Variants in ELK4 observed in about 807,000 individuals in gnomAD.
The protein encoded by ELK4 is ETS domain-containing protein Elk-4.
ELK4 carries 16 observed loss-of-function variants against 29.6 expected under a neutral mutation model. That is an observed-to-expected ratio of 0.54 (90% CI 0.37 to 0.82). The LOEUF is 0.82. ELK4 is among the 40% of genes least tolerant of loss of function. The probability of loss-of-function intolerance (pLI) is 0.00; values close to 1 mark genes in which losing one functional copy is unlikely to be tolerated. For missense variants in ELK4, 465 were observed against 507.1 expected, an observed-to-expected ratio of 0.92 and a Z score of 0.80; for synonymous variants, 213 against 191.1, an observed-to-expected ratio of 1.11 and a Z score of -0.95.
intron 3 of ELK4, chr1:205,619,311 A>G: frequency 9.5e-7 from 1 of 1,047,878 alleles, no homozygotes; most frequent in East Asian, 5.0e-5. Flanking sequence ...TTGGGGGTAC[A>G]AGTGGTTTTT....
chr1:205,623,905 G>A lies in ELK4; in HGVS notation c.-9-14C>T. The A allele has an allele frequency of 6.2e-7, 1 of 1,610,314 alleles. No individual in the cohort carries two copies. On this transcript the variant is annotated splice_polypyrimidine_tract_variant and intron_variant, in intron 1 of 4. Coordinates refer to ENST00000357992, the MANE Select transcript of ELK4 (RefSeq NM_001973.4). ...CATAGCAATGAGCTGAAAGAATATA[G>A]ATAAGATATGTGATAATATTAACAG...
chr1:205,620,847 T>TGAAAAAA lies in ELK4; in HGVS notation c.208-10_208-9insTTTTTTC. On this transcript the variant is annotated splice_polypyrimidine_tract_variant and intron_variant, in intron 2 of 4. Transcript: ENST00000357992. ...ACTTTTTTGATGATATTCTGTAGGT[T>TGAAAAAA]AAAAAAAAAAGCATTTTTATCCTTT... 1 of 1,374,032 alleles carries TGAAAAAA rather than the reference T, an allele frequency of 7.3e-7. No individual in the cohort carries two copies. Among genetic ancestry groups the TGAAAAAA allele is most frequent in the Admixed American group, 2.2e-5 (1 of 45,924 alleles). The allele number at this position is 1,374,032 out of a possible 1,614,324, so 85.1% of individuals were successfully genotyped here. A position where few individuals can be genotyped will look rare whatever the true frequency, so the allele number is the denominator to read the frequency against.
chr1:205,623,312 CT>C (rs1224816064), intron 2 of ELK4, among the ~76,000 whole-genome samples: 11,699 of 137,158 alleles, frequency 0.085, 496 homozygotes, highest in East Asian at 0.22. Context: ...AACAAGGAAT[CT>C]TTTTTTTTTT....
chr1:205,630,616 C>T (rs941042288), intron 1 of ELK4, among the ~76,000 whole-genome samples: 1 of 152,214 alleles, frequency 6.6e-6, no homozygotes, highest in Non-Finnish European at 1.5e-5. Context: ...CTAAAAAATA[C>T]TCTTTGTATA....
In ELK4 at chr1:205,618,948, T is replaced by C. The variant is rs1228585872; in HGVS notation, c.1197+9A>G. On this transcript the variant is annotated intron_variant, in intron 4 of 4. Transcript: ENST00000357992. The stretch of plus-strand genomic sequence containing the variant: ...TCCAACTACAGAAGACAGATATTTA[T>C]AAAATTACCTGGAAAAGTGTGTTAG... 4 of 1,593,840 alleles carry C rather than the reference T, an allele frequency of 2.5e-6. No homozygotes were observed. Among genetic ancestry groups the C allele is most frequent in the Non-Finnish European group, 2.6e-6 (3 of 1,166,766 alleles).
At chr1:205,629,132 CT>C (rs1413265899) in intron 1 of ELK4, among the ~76,000 whole-genome samples, 2 of 138,384 alleles carry the variant, frequency 1.4e-5, no homozygotes, top group African/African-American at 5.5e-5. Flanking sequence ...GATCGTGCCA[CT>C]GCACTCCAGC....
Position 205,631,818 on chromosome 1 carries a change from C to T in ELK4, c.-196G>A, listed in dbSNP as rs1316044762. The stretch of plus-strand genomic sequence containing the variant: ...CGGGTGCCCGCAGCCGCCCGCATCT[C>T]CCGCCGCCGCGGCTCCTGGCGCCCC... On this transcript the variant is annotated 5_prime_UTR_variant, in exon 1 of 5. Coordinates refer to ENST00000357992, the MANE Select transcript of ELK4 (RefSeq NM_001973.4). 5 of 151,856 alleles carry T rather than the reference C, an allele frequency of 3.3e-5. No individual in the cohort carries two copies. In the East Asian group the frequency reaches 7.5e-4, roughly 23 times the overall value. 9.4% of individuals were successfully genotyped at this position (151,856 alleles called of 1,614,324 possible). A position where few individuals can be genotyped will look rare whatever the true frequency, so the allele number is the denominator to read the frequency against.
At position 205,612,494 on chromosome 1, in the gene ELK4, T is replaced by C. The variant is rs1575119263; in HGVS notation, c.*4052A>G. 1 of 214,180 alleles carries C rather than the reference T, an allele frequency of 4.7e-6. No homozygotes were observed. Among genetic ancestry groups the C allele is most frequent in the South Asian group, 1.9e-4 (1 of 5,376 alleles). The allele number at this position is 214,180 out of a possible 1,614,324, so 13.3% of individuals were successfully genotyped here. On this transcript the variant is annotated 3_prime_UTR_variant, in exon 5 of 5. Transcript: ENST00000357992. ...GTATATAATTTAACATATACCCATA[T>C]GAATTTTTAATAGGGAAAGTTTTTA... is the stretch of plus-strand genomic sequence containing the variant.
At chr1:205,618,645 C>T (rs1172898876) in intron 4 of ELK4, among the ~76,000 whole-genome samples, 1 of 152,180 alleles carries the variant, frequency 6.6e-6, no homozygotes, top group Admixed American at 6.5e-5. Flanking sequence ...ACAACATGGT[C>T]AAACCCTGTC....
At chr1:205,617,499 A>AT (rs935924618) in intron 4 of ELK4, among the ~76,000 whole-genome samples, 23 of 152,104 alleles carry the variant, frequency 1.5e-4, no homozygotes, top group East Asian at 3.9e-4. Flanking sequence ...GATAATATTC[A>AT]TTTTTTTAAA....
At position 205,608,938 on chromosome 1, in the gene ELK4, A is replaced by G. The variant is rs995334451; in HGVS notation, c.*7608T>C. The G allele has an allele frequency of 3.7e-5, 7 of 190,786 alleles. No individual in the cohort carries two copies. Among genetic ancestry groups the G allele is most frequent in the Non-Finnish European group, 6.6e-5 (6 of 91,042 alleles). The allele number at this position is 190,786 out of a possible 1,614,324, so 11.8% of individuals were successfully genotyped here. A position where few individuals can be genotyped will look rare whatever the true frequency, so the allele number is the denominator to read the frequency against. ...GATGGAGACGCACTGCAATAGTCCC[A>G]TGGCAGACATATGCTTTTCTTCTGA... On this transcript the variant is annotated 3_prime_UTR_variant, in exon 5 of 5. Transcript: ENST00000357992.
chr1:205,609,415 A>C lies in ELK4; in HGVS notation c.*7131T>G, dbSNP rs1469864785. On this transcript the variant is annotated 3_prime_UTR_variant, in exon 5 of 5. Transcript: ENST00000357992. ...AATGAAACTGCTCAAAGGCAAAAATAAAGAAATATAATTGTGATTAGAAAA... is the reference window on the plus strand; with the variant it reads ...AATGAAACTGCTCAAAGGCAAAAATCAAGAAATATAATTGTGATTAGAAAA... 1 of 192,724 alleles carries C rather than the reference A, an allele frequency of 5.2e-6. No individual in the cohort carries two copies. The highest frequency in any genetic ancestry group is 1.1e-5 in the Non-Finnish European group (1 of 92,210). 11.9% of individuals were successfully genotyped at this position (192,724 alleles called of 1,614,324 possible).
At chr1:205,629,634 T>C (rs1347306140) in intron 1 of ELK4, among the ~76,000 whole-genome samples, 1 of 151,776 alleles carries the variant, frequency 6.6e-6, no homozygotes, top group African/African-American at 2.4e-5. Context: ...GAAGAATCAT[T>C]TGAACCCAGG....
intron 1 of ELK4, among the ~76,000 whole-genome samples, chr1:205,630,790 C>T (rs892717093): frequency 2.6e-5 from 4 of 152,136 alleles, no homozygotes; most frequent in African/African-American, 4.8e-5. Flanking sequence ...TTAATGAAAA[C>T]ACCGCTGCCA....
intron 1 of ELK4, among the ~76,000 whole-genome samples, chr1:205,626,708 A>T (rs1020854292): frequency 6.6e-6 from 1 of 152,240 alleles, no homozygotes; most frequent in African/African-American, 2.4e-5. Context: ...ATGCAGAGAA[A>T]TTGAAGCCCT....
intron 1 of ELK4, among the ~76,000 whole-genome samples, chr1:205,629,713 T>A (rs1306187744): frequency 6.7e-6 from 1 of 148,454 alleles, no homozygotes; most frequent in African/African-American, 2.5e-5. Context: ...CAAGACCCTG[T>A]CTCAAAAAAT....
Position 205,609,143 on chromosome 1 carries a change from T to C in ELK4, c.*7403A>G, listed in dbSNP as rs868735504. The C allele has an allele frequency of 2.1e-5, 4 of 189,114 alleles. No homozygotes were observed. Among genetic ancestry groups the C allele is most frequent in the African/African-American group, 7.0e-5 (3 of 42,868 alleles). 11.7% of individuals were successfully genotyped at this position (189,114 alleles called of 1,614,324 possible). A position where few individuals can be genotyped will look rare whatever the true frequency, so the allele number is the denominator to read the frequency against. ...TCCCATTAATCAAACTCATCCCTAA[T>C]TGTCTCTTAGGAAGGTCTTCTTTAA... On this transcript the variant is annotated 3_prime_UTR_variant, in exon 5 of 5. Transcript: ENST00000357992.
Position 205,609,700 on chromosome 1 carries a change from A to G in ELK4, c.*6846T>C. ...CCTACACAATAGACAATAAGCAACA[A>G]TGACCAAACAGAAAAGAAACTTAAA... On this transcript the variant is annotated 3_prime_UTR_variant, in exon 5 of 5. Coordinates refer to ENST00000357992, the MANE Select transcript of ELK4 (RefSeq NM_001973.4). 4.8e-6 allele frequency: 1 copy of G among 207,132 alleles called. No homozygotes were observed. Among genetic ancestry groups the G allele is most frequent in the East Asian group, 7.3e-5 (1 of 13,642 alleles). The allele number at this position is 207,132 out of a possible 1,614,324, so 12.8% of individuals were successfully genotyped here.
chr1:205,631,326 C>G (rs1412609446), intron 1 of ELK4, among the ~76,000 whole-genome samples: 1 of 152,196 alleles, frequency 6.6e-6, no homozygotes, highest in African/African-American at 2.4e-5. Flanking sequence ...AACTTCCTGT[C>G]ACTACAGAAA....
Sources: gnomAD v4.1 joint callset for allele counts (sites outside exome capture counted in the v4.1 genomes callset) on GRCh38, gnomAD v4.1.1 for gene constraint, MANE v1.5 for transcripts, NCBI Gene and HGNC (gene_info 2026-07-23, HGNC 2026-07-21) for gene names.